DAB1: variants seen among roughly 807,000 people sequenced by gnomAD.
The protein encoded by DAB1 is disabled homolog 1.
Under a neutral mutation model 64.6 loss-of-function variants are expected in DAB1, and 15 were observed. The observed-to-expected ratio is 0.23, with a 90% CI of 0.16 to 0.36. The LOEUF is 0.36. Among genes scored for constraint, DAB1 ranks in the 10% least tolerant of loss-of-function variants. The pLI, the probability that DAB1 is intolerant of heterozygous loss-of-function variation, is 1.00. For synonymous variants in DAB1, 235 were observed against 251.9 expected (o/e 0.93, Z 0.64); for missense variants, 596 against 706.7 (o/e 0.84, Z 1.78).
intron 2 of DAB1, among the ~76,000 whole-genome samples, chr1:57,270,696 G>C (rs1292476884): frequency 6.6e-6 from 1 of 152,214 alleles, no homozygotes; most frequent in Non-Finnish European, 1.5e-5. Context: ...GTAGGTGCTG[G>C]TGACCCTGCA....
At chr1:58,373,556 T>A (rs1343112837) in intron 3 of DAB1, among the ~76,000 whole-genome samples, 1 of 151,480 alleles carries the variant, frequency 6.6e-6, no homozygotes, top group African/African-American at 2.4e-5. Flanking sequence ...CCACATTTTC[T>A]TAATCCAGTC....
intron 5 of DAB1, among the ~76,000 whole-genome samples, chr1:57,924,332 T>C (rs1258008936): frequency 6.6e-6 from 1 of 152,206 alleles, no homozygotes; most frequent in African/African-American, 2.4e-5. Flanking sequence ...ATCTCAATTT[T>C]ATAAGCAAAT....
chr1:57,535,356 C>G (rs1398001069), intron 7 of DAB1, among the ~76,000 whole-genome samples: 4 of 151,972 alleles, frequency 2.6e-5, no homozygotes, highest in East Asian at 3.9e-4. Context: ...ATGAATGAAT[C>G]ATGAACTAAT....
intron 7 of DAB1, among the ~76,000 whole-genome samples, chr1:57,486,958 T>TA (rs566217948): frequency 2.2e-4 from 30 of 135,986 alleles, no homozygotes; most frequent in Non-Finnish European, 2.2e-4. Flanking sequence ...AATTAAAAAT[T>TA]AAAAAAAAAA....
intron 2 of DAB1, among the ~76,000 whole-genome samples, chr1:57,260,474 C>T (rs1183931541): frequency 6.6e-6 from 1 of 152,160 alleles, no homozygotes; most frequent in Non-Finnish European, 1.5e-5. Context: ...ATTCCACATC[C>T]AGCAGTGAAA....
At chr1:57,934,101 G>T (rs1264079983) in intron 5 of DAB1, among the ~76,000 whole-genome samples, 1 of 150,258 alleles carries the variant, frequency 6.7e-6, no homozygotes, top group South Asian at 2.1e-4. Flanking sequence ...GTGTGTGTGT[G>T]TGTTTAGTAG....
intron 2 of DAB1, among the ~76,000 whole-genome samples, chr1:57,189,356 T>C (rs1003980618): frequency 9.9e-5 from 15 of 152,106 alleles, no homozygotes; most frequent in African/African-American, 3.4e-4. Flanking sequence ...GATCCTTCTT[T>C]CCCCCAGGGA....
chr1:57,272,898 T>C (rs1336748826), intron 2 of DAB1, among the ~76,000 whole-genome samples: 1 of 152,160 alleles, frequency 6.6e-6, no homozygotes. Context: ...TTGTTTGTGA[T>C]AAGAAGAAAT....
chr1:57,178,063 T>G, intron 2 of DAB1, among the ~76,000 whole-genome samples: 1 of 152,276 alleles, frequency 6.6e-6, no homozygotes, highest in Non-Finnish European at 1.5e-5. Flanking sequence ...GGGGCAGATA[T>G]AGCCATGGGC....
At chr1:58,486,181 G>A (rs1470345235) in intron 3 of DAB1, among the ~76,000 whole-genome samples, 1 of 152,182 alleles carries the variant, frequency 6.6e-6, no homozygotes, top group Non-Finnish European at 1.5e-5. Flanking sequence ...GCCAAAGAGA[G>A]GGGGACAAGG....
At chr1:57,355,295 G>A (rs1453292140) in intron 1 of DAB1, among the ~76,000 whole-genome samples, 2 of 147,864 alleles carry the variant, frequency 1.4e-5, no homozygotes, top group Non-Finnish European at 3.0e-5. Context: ...TTCCATCCTT[G>A]GTTCTTACCT....
chr1:57,136,623 G>A lies in DAB1; in HGVS notation c.226C>T (p.Arg76Cys), dbSNP rs1414685306. 4 of 1,531,624 alleles carry A rather than the reference G, an allele frequency of 2.6e-6. No individual in the cohort carries two copies. Among genetic ancestry groups the A allele is most frequent in the Non-Finnish European group, 3.6e-6 (4 of 1,124,210 alleles). The allele number at this position is 1,531,624 out of a possible 1,614,324, so 94.9% of individuals were successfully genotyped here. ...MKLKGVVAGA[R>C]SKGEHKQKIF... ...TTCTGTTTGTGTTCTCCTTTGGAAC[G>A]AGCGCCAGCAACAACGCCCTGTTGA... The change falls in exon 4 of 15, where the codon CGT becomes TGT. Residue 76 changes from arginine to cysteine, a missense_variant. Around this residue, in one of 3 missense-constraint regions of DAB1, gnomAD observed 176 missense variants for 266.7 expected, o/e 0.66. Coordinates refer to ENST00000371236, the MANE Select transcript of DAB1 (RefSeq NM_001365792.1).
intron 5 of DAB1, among the ~76,000 whole-genome samples, chr1:57,953,504 T>A (rs940447852): frequency 6.6e-6 from 1 of 152,212 alleles, no homozygotes; most frequent in African/African-American, 2.4e-5. Flanking sequence ...AATTCCATTA[T>A]TCTTTTAAGG....
At chr1:57,771,857 C>A (rs1389047221) in intron 6 of DAB1, among the ~76,000 whole-genome samples, 1 of 152,094 alleles carries the variant, frequency 6.6e-6, no homozygotes, top group South Asian at 2.1e-4. Flanking sequence ...CTACTATAAG[C>A]AATGTTTGAC....
intron 4 of DAB1, among the ~76,000 whole-genome samples, chr1:58,213,425 G>A (rs1658667444): frequency 1.3e-5 from 2 of 152,112 alleles, no homozygotes; most frequent in African/African-American, 2.4e-5. Flanking sequence ...ATGGCTGAGG[G>A]GAGGGACCTC....
intron 3 of DAB1, among the ~76,000 whole-genome samples, chr1:58,437,264 G>A (rs1331232127): frequency 6.6e-6 from 1 of 152,128 alleles, no homozygotes; most frequent in East Asian, 1.9e-4. Context: ...CTGCATTTTT[G>A]ACAAGTATCC....
intron 7 of DAB1, among the ~76,000 whole-genome samples, chr1:57,535,965 A>T (rs533193523): frequency 6.6e-6 from 1 of 152,282 alleles, no homozygotes; most frequent in African/African-American, 2.4e-5. Flanking sequence ...TGCTCCCCTT[A>T]GATACTTCTG....
chr1:57,274,501 C>T (rs1428245730), intron 2 of DAB1, among the ~76,000 whole-genome samples: 1 of 152,182 alleles, frequency 6.6e-6, no homozygotes, highest in East Asian at 1.9e-4. Flanking sequence ...TACTAGCCAT[C>T]ACAATAGTAC....
intron 7 of DAB1, among the ~76,000 whole-genome samples, chr1:57,478,005 A>T (rs1011040283): frequency 1.3e-4 from 19 of 151,460 alleles, no homozygotes; most frequent in African/African-American, 4.4e-4. Flanking sequence ...TGCACCCATT[A>T]ACTCGTCATT....
Sources: allele counts gnomAD v4.1 joint callset (sites outside exome capture counted in the v4.1 genomes callset), GRCh38; gene constraint gnomAD v4.1.1; regional missense constraint gnomAD v4.1.1; transcripts MANE v1.5; gene names NCBI Gene and HGNC (gene_info 2026-07-23, HGNC 2026-07-21).